The following NBEA variants were observed in gnomAD, a reference collection of about 807,000 sequenced individuals.
The protein encoded by NBEA is lysosomal-trafficking regulator 2.
Under a neutral mutation model 343.4 loss-of-function variants are expected in NBEA, and 44 were observed. The observed-to-expected ratio is 0.13, with a 90% CI of 0.10 to 0.16. NBEA has a LOEUF of 0.16. NBEA is among the 10% of genes least tolerant of loss of function. The probability of loss-of-function intolerance (pLI) is 1.00; values close to 1 mark genes in which losing one functional copy is unlikely to be tolerated. For missense variants in NBEA, 2,555 were observed against 3,631.3 expected (o/e 0.70, Z 7.62); for synonymous variants, 1,175 against 1,238.7 (o/e 0.95, Z 1.08).
chr13:35,552,940 G>A (rs141805236), intron 43 of NBEA, among the ~76,000 whole-genome samples: 6,048 of 151,950 alleles, frequency 0.04, 171 homozygotes, highest in Non-Finnish European at 0.057. Flanking sequence ...ACCCAGGCTG[G>A]AGTGCAGTGG....
At chr13:35,260,360 A>G (rs1227492396) in intron 34 of NBEA, among the ~76,000 whole-genome samples, 2 of 152,262 alleles carry the variant, frequency 1.3e-5, no homozygotes, top group African/African-American at 2.4e-5. Flanking sequence ...AATAATTTCC[A>G]ATTATAATCA....
intron 31 of NBEA, among the ~76,000 whole-genome samples, chr13:35,197,926 A>G (rs1284223733): frequency 6.6e-6 from 1 of 152,230 alleles, no homozygotes; most frequent in Non-Finnish European, 1.5e-5. Flanking sequence ...CATGCAGAAT[A>G]TAAAGATGAA....
chr13:35,445,813 T>C (rs1365955825), intron 39 of NBEA, among the ~76,000 whole-genome samples: 1 of 104,808 alleles, frequency 9.5e-6, no homozygotes, highest in African/African-American at 3.9e-5. Flanking sequence ...TATATATATA[T>C]ATATGTATAT....
At chr13:34,954,368 T>G (rs1414832335) in intron 1 of NBEA, among the ~76,000 whole-genome samples, 1 of 152,188 alleles carries the variant, frequency 6.6e-6, no homozygotes, top group Non-Finnish European at 1.5e-5. Context: ...CTTGCTATTA[T>G]GAGTATTTAA....
intron 1 of NBEA, among the ~76,000 whole-genome samples, chr13:35,004,996 CTTAT>C (rs2061268682): frequency 1.3e-5 from 2 of 151,884 alleles, no homozygotes; most frequent in African/African-American, 4.8e-5. Context: ...TTTTTATTAC[CTTAT>C]TTATTATATA....
At chr13:35,641,461 A>G (rs1213835281) in intron 49 of NBEA, among the ~76,000 whole-genome samples, 3 of 152,196 alleles carry the variant, frequency 2.0e-5, no homozygotes, top group Non-Finnish European at 4.4e-5. Flanking sequence ...AAATTGTGTT[A>G]GGTTAATACA....
intron 1 of NBEA, among the ~76,000 whole-genome samples, chr13:35,003,976 T>C (rs536747106): frequency 1.5e-4 from 23 of 152,234 alleles, no homozygotes; most frequent in African/African-American, 5.3e-4. Context: ...CCCCTCCCTG[T>C]GTCCATGTGT....
At chr13:35,045,993 G>C (rs1443424535) in intron 4 of NBEA, among the ~76,000 whole-genome samples, 2 of 152,020 alleles carry the variant, frequency 1.3e-5, no homozygotes, top group Non-Finnish European at 2.9e-5. Context: ...CAAAGTGCTG[G>C]GGTTACAGGT....
intron 10 of NBEA, among the ~76,000 whole-genome samples, chr13:35,089,303 G>GA: frequency 6.7e-6 from 1 of 149,314 alleles, no homozygotes; most frequent in Non-Finnish European, 1.5e-5. Context: ...AAAAACACAT[G>GA]AAAAAATGCT....
At chr13:35,656,434 T>A (rs9544916) in intron 55 of NBEA, among the ~76,000 whole-genome samples, 26,148 of 152,198 alleles carry the variant, frequency 0.17, 2,510 homozygotes, top group South Asian at 0.29. Context: ...CAAATAAATT[T>A]GTTGATGCTT....
intron 38 of NBEA, among the ~76,000 whole-genome samples, chr13:35,382,960 C>G (rs1301969742): frequency 6.6e-6 from 1 of 152,178 alleles, no homozygotes; most frequent in Non-Finnish European, 1.5e-5. Flanking sequence ...CTCATACCAT[C>G]TGTCTTTATA....
At chr13:35,291,409 C>T (rs2035795084) in intron 35 of NBEA, among the ~76,000 whole-genome samples, 1 of 151,868 alleles carries the variant, frequency 6.6e-6, no homozygotes, top group Non-Finnish European at 1.5e-5. Flanking sequence ...TTTCAGTTTT[C>T]AGGTTTATTT....
chr13:35,043,532 A>AT (rs1031019971), intron 2 of NBEA, among the ~76,000 whole-genome samples: 11 of 151,746 alleles, frequency 7.2e-5, no homozygotes, highest in South Asian at 4.2e-4. Flanking sequence ...TAGTACTTAA[A>AT]TTTTTTTGTA....
intron 41 of NBEA, among the ~76,000 whole-genome samples, chr13:35,516,994 A>G (rs777943136): frequency 9.2e-5 from 14 of 152,190 alleles, no homozygotes; most frequent in Non-Finnish European, 1.8e-4. Context: ...CAATTACTAC[A>G]TACTCACTTA....
chr13:34,946,835 G>C (rs1289351897), intron 1 of NBEA, among the ~76,000 whole-genome samples: 1 of 150,622 alleles, frequency 6.6e-6, no homozygotes, highest in Non-Finnish European at 1.5e-5. Flanking sequence ...TTGTTAAAAG[G>C]GTAACTTTAA....
chr13:35,125,838 A>C (rs1042964272), intron 17 of NBEA, among the ~76,000 whole-genome samples: 14 of 151,596 alleles, frequency 9.2e-5, no homozygotes, highest in African/African-American at 3.4e-4. Flanking sequence ...ACATACATAC[A>C]TACATACATA....
At chr13:35,199,451 A>G (rs947314388) in intron 31 of NBEA, among the ~76,000 whole-genome samples, 2 of 152,154 alleles carry the variant, frequency 1.3e-5, no homozygotes, top group African/African-American at 4.8e-5. Context: ...TTTAGTTGAA[A>G]AGTAGATATA....
intron 38 of NBEA, among the ~76,000 whole-genome samples, chr13:35,369,496 T>C (rs1052807519): frequency 2.6e-5 from 4 of 151,902 alleles, no homozygotes; most frequent in African/African-American, 7.2e-5. Flanking sequence ...ATATTAACAA[T>C]GTTAATTTTT....
At chr13:35,453,611 T>C (rs2046411366) in intron 40 of NBEA, among the ~76,000 whole-genome samples, 1 of 152,222 alleles carries the variant, frequency 6.6e-6, no homozygotes, top group African/African-American at 2.4e-5. Context: ...CCTTTTAGAT[T>C]ATGTGTTGTC....
Sources: allele counts gnomAD v4.1 joint callset (sites outside exome capture counted in the v4.1 genomes callset), GRCh38; gene constraint gnomAD v4.1.1; transcripts MANE v1.5; gene names NCBI Gene and HGNC (gene_info 2026-07-23, HGNC 2026-07-21).